The following CACNA1E variants were observed in gnomAD, a reference collection of about 807,000 sequenced individuals.
CACNA1E encodes calcium voltage-gated channel subunit alpha1 E, also known as voltage-dependent R-type calcium channel subunit alpha-1E.
Under a neutral mutation model 259.2 loss-of-function variants are expected in CACNA1E, and 40 were observed. The ratio of observed to expected loss-of-function variants is 0.15; its 90% CI spans 0.12 to 0.20. The LOEUF is 0.20. CACNA1E is among the 10% of genes least tolerant of loss of function. CACNA1E has a pLI of 1.00. For missense variants in CACNA1E, 1,874 were observed against 3,040.1 expected (o/e 0.62, Z 9.02); for synonymous variants, 1,104 against 1,138.5 (o/e 0.97, Z 0.61).
intron 6 of CACNA1E, among the ~76,000 whole-genome samples, chr1:181,637,679 G>A (rs1050673659): frequency 6.6e-6 from 1 of 152,140 alleles, no homozygotes; most frequent in Non-Finnish European, 1.5e-5. Flanking sequence ...GTTCTTGAGG[G>A]TGTCAAATAT....
intron 6 of CACNA1E, among the ~76,000 whole-genome samples, chr1:181,592,906 A>T (rs893413700): frequency 6.6e-6 from 1 of 152,122 alleles, no homozygotes; most frequent in African/African-American, 2.4e-5. Flanking sequence ...TTTTGTTCAC[A>T]TCAAAGCTTG....
chr1:181,476,941 T>C (rs1270301239), intron 2 of CACNA1E, among the ~76,000 whole-genome samples: 10 of 152,096 alleles, frequency 6.6e-5, no homozygotes, highest in Non-Finnish European at 1.2e-4. Flanking sequence ...GGGGCTAAAC[T>C]CCGAACCTCC....
In CACNA1E at chr1:181,692,706, C is replaced by A. The variant is rs550309741; in HGVS notation, c.1056-18248C>A. ...AAACTATGAGAATCCAAGAAATACA[C>A]CTAGGAAACACCATTTTGGACATCA... On this transcript the variant is annotated intron_variant, in intron 7 of 47. Transcript: ENST00000367573. Among the ~76,000 whole-genome samples, 3 of 152,134 alleles carry A rather than the reference C, an allele frequency of 2.0e-5. No individual in the cohort carries two copies. In the South Asian group the frequency reaches 6.2e-4, roughly 32 times the overall value.
chr1:181,325,048 G>A (rs1159021344), intron 1 of CACNA1E, among the ~76,000 whole-genome samples: 11 of 152,142 alleles, frequency 7.2e-5, no homozygotes, highest in Non-Finnish European at 1.6e-4. Context: ...ATCGTGCTCA[G>A]AGGGGCTCTC....
In CACNA1E at chr1:181,752,567, C is replaced by T. The variant is rs374976074; in HGVS notation, c.3828+328C>T. Among the ~76,000 whole-genome samples the T allele has an allele frequency of 5.3e-5, 8 of 152,280 alleles. No individual in the cohort carries two copies. In the East Asian group the frequency reaches 1.5e-3, roughly 29 times the overall value. On this transcript the variant is annotated intron_variant, in intron 27 of 47. Coordinates refer to ENST00000367573, the MANE Select transcript of CACNA1E (RefSeq NM_001205293.3). ...ATGTCCCCAGTGCAGACCCAGAACA[C>T]CAGAATGGAAGCAACGGGATCCCTC...
At chr1:181,769,343 G>T (rs1451854035) in intron 35 of CACNA1E, among the ~76,000 whole-genome samples, 2 of 110,774 alleles carry the variant, frequency 1.8e-5, no homozygotes, top group Non-Finnish European at 2.0e-5. Flanking sequence ...AGGACTAAGT[G>T]AAAAGTTGAA....
chr1:181,748,708 A>G (rs1475696226), intron 25 of CACNA1E, among the ~76,000 whole-genome samples: 1 of 152,138 alleles, frequency 6.6e-6, no homozygotes, highest in Non-Finnish European at 1.5e-5. Context: ...ATTTTGGTAA[A>G]TTTTTTAATT....
intron 3 of CACNA1E, among the ~76,000 whole-genome samples, chr1:181,525,831 T>C (rs1572102552): frequency 6.6e-6 from 1 of 152,338 alleles, no homozygotes; most frequent in African/African-American, 2.4e-5. Flanking sequence ...ATGTTAATTA[T>C]GTTGCTGCTT....
intron 7 of CACNA1E, among the ~76,000 whole-genome samples, chr1:181,707,669 G>T (rs568326778): frequency 2.0e-4 from 31 of 152,240 alleles, no homozygotes; most frequent in African/African-American, 7.5e-4. Context: ...TGCAGGAGTT[G>T]CTCCTAGTTC....
chr1:181,395,160 G>C (rs1362957992), intron 1 of CACNA1E, among the ~76,000 whole-genome samples: 1 of 152,152 alleles, frequency 6.6e-6, no homozygotes, highest in African/African-American at 2.4e-5. Flanking sequence ...GTACCAGGAT[G>C]GTAGCAGTGG....
intron 6 of CACNA1E, among the ~76,000 whole-genome samples, chr1:181,623,364 T>G (rs1473028565): frequency 6.6e-6 from 1 of 152,256 alleles, no homozygotes; most frequent in African/African-American, 2.4e-5. Context: ...TTTTGTTTGC[T>G]GGAATTTAAC....
At chr1:181,641,324 G>A (rs1245441391) in intron 6 of CACNA1E, among the ~76,000 whole-genome samples, 2 of 152,166 alleles carry the variant, frequency 1.3e-5, no homozygotes, top group Non-Finnish European at 2.9e-5. Context: ...AAGAGTTCAC[G>A]GGGACTGAGC....
At chr1:181,717,981 G>A in intron 11 of CACNA1E, 74 bp from the exon 12 acceptor site, 1 of 711,496 alleles carries the variant, frequency 1.4e-6, no homozygotes, top group Non-Finnish European at 2.6e-6. Flanking sequence ...TCCTCTGTAG[G>A]TGGGTGTGTT....
intron 2 of CACNA1E, among the ~76,000 whole-genome samples, chr1:181,424,294 T>A (rs899292816): frequency 4.6e-5 from 7 of 152,296 alleles, no homozygotes; most frequent in African/African-American, 1.7e-4. Flanking sequence ...TTTGGGTGAT[T>A]TCTAGAGATT....
chr1:181,652,731 A>G (rs1453887965), intron 7 of CACNA1E, among the ~76,000 whole-genome samples: 1 of 152,096 alleles, frequency 6.6e-6, no homozygotes. Context: ...ACCCCACTAT[A>G]ACCTCCAGGC....
At chr1:181,609,552 G>T (rs1177423478) in intron 6 of CACNA1E, among the ~76,000 whole-genome samples, 1 of 152,120 alleles carries the variant, frequency 6.6e-6, no homozygotes, top group Admixed American at 6.5e-5. Context: ...GAGTGAAAAG[G>T]CACACCGGTT....
chr1:181,726,611 G>C (rs1458975573), intron 18 of CACNA1E, among the ~76,000 whole-genome samples: 1 of 152,232 alleles, frequency 6.6e-6, no homozygotes, highest in African/African-American at 2.4e-5. Flanking sequence ...GGAGGGGGCA[G>C]GGGCCAACTC....
intron 1 of CACNA1E, among the ~76,000 whole-genome samples, chr1:181,343,340 C>G (rs1247717544): frequency 6.6e-6 from 1 of 152,100 alleles, no homozygotes; most frequent in African/African-American, 2.4e-5. Context: ...TCATAAGGAT[C>G]GATTCCTCAT....
chr1:181,669,797 T>C (rs1048301506), intron 7 of CACNA1E, among the ~76,000 whole-genome samples: 24 of 152,278 alleles, frequency 1.6e-4, no homozygotes, highest in African/African-American at 5.5e-4. Flanking sequence ...AAACCCAAGT[T>C]TAATATTAGC....
Sources: allele counts gnomAD v4.1 joint callset (sites outside exome capture counted in the v4.1 genomes callset), GRCh38; gene constraint gnomAD v4.1.1; transcripts MANE v1.5; gene names NCBI Gene and HGNC (gene_info 2026-07-23, HGNC 2026-07-21).